Variants in SH3RF2 observed in about 807,000 individuals in gnomAD.
SH3RF2 encodes the protein SH3 domain containing ring finger 2.
SH3RF2 carries 43 observed loss-of-function variants against 59.0 expected under a neutral mutation model. The ratio of observed to expected loss-of-function variants is 0.73; its 90% CI spans 0.57 to 0.94. The LOEUF (loss-of-function observed/expected upper bound fraction) is 0.94. Among genes scored for constraint, SH3RF2 ranks in the 40% least tolerant of loss-of-function variants. The probability of loss-of-function intolerance (pLI) is 0.00; values close to 1 mark genes in which losing one functional copy is unlikely to be tolerated. For synonymous variants in SH3RF2, 391 were observed against 391.5 expected (o/e 1.00, Z 0.01); for missense variants, 930 against 940.1 (o/e 0.99, Z 0.14).
At chr5:145,980,238 C>A (rs551798815) in intron 2 of SH3RF2, among the ~76,000 whole-genome samples, 1 of 152,278 alleles carries the variant, frequency 6.6e-6, no homozygotes, top group Non-Finnish European at 1.5e-5. Context: ...GACACCCACA[C>A]GTAACGAGGC....
intron 3 of SH3RF2, among the ~76,000 whole-genome samples, chr5:146,003,696 A>AT (rs1760518836): frequency 6.6e-6 from 1 of 152,140 alleles, no homozygotes; most frequent in African/African-American, 2.4e-5. Context: ...CATAAAATTC[A>AT]TTTTTCTTTT....
In SH3RF2 at chr5:146,062,419, C is replaced by CT; in HGVS notation, c.1915-5dup. The CT allele has an allele frequency of 6.2e-7, 1 of 1,612,640 alleles. No homozygotes were observed. Among genetic ancestry groups the CT allele is most frequent in the Non-Finnish European group, 8.5e-7 (1 of 1,178,924 alleles). ...CCTGTGTCCATTTCCTCTCCTTTCT[C>CT]TTGCAGCAAGTCAAAACCGTGAGAT... On this transcript the variant is annotated splice_region_variant and splice_polypyrimidine_tract_variant and intron_variant, in intron 9 of 9. Transcript: ENST00000359120.
intron 5 of SH3RF2, among the ~76,000 whole-genome samples, chr5:146,015,739 A>G (rs1761079506): frequency 6.6e-6 from 1 of 152,238 alleles, no homozygotes; most frequent in Non-Finnish European, 1.5e-5. Context: ...GATTCAAAAC[A>G]AGTATTATTA....
At chr5:146,071,381 A>T (rs1026869211) in intron 9 of SH3RF2, among the ~76,000 whole-genome samples, 1 of 152,256 alleles carries the variant, frequency 6.6e-6, no homozygotes, top group Admixed American at 6.5e-5. Flanking sequence ...AGCCTCCACG[A>T]CAAGGAACAA....
intron 5 of SH3RF2, among the ~76,000 whole-genome samples, chr5:146,035,105 C>CA (rs34472730): frequency 2.4e-3 from 320 of 135,316 alleles, no homozygotes; most frequent in African/African-American, 7.3e-3. Context: ...GACTCTGTTT[C>CA]AAAAAAAAAA....
chr5:145,944,205 A>AT (rs1305012256), intron 2 of SH3RF2, among the ~76,000 whole-genome samples: 1 of 152,246 alleles, frequency 6.6e-6, no homozygotes, highest in Admixed American at 6.5e-5. Flanking sequence ...CAGATTTTAG[A>AT]TTTTTCAATT....
In SH3RF2 at chr5:146,047,805, G is replaced by A. The variant is rs772760008; in HGVS notation, c.1093G>A (p.Gly365Arg). The A allele has an allele frequency of 6.2e-7, 1 of 1,614,054 alleles. No homozygotes were observed. Among genetic ancestry groups the A allele is most frequent in the South Asian group, 1.1e-5 (1 of 91,076 alleles). ...TTATCACCCCGCACCTGTCTCTCCA[G>A]GACATTCCACAGCCGTGGTCAGTCT... is the stretch of plus-strand genomic sequence containing the variant. ...STYHPAPVSP[G>R]HSTAVVSLPG... The change falls in exon 6 of 10, where the codon GGA (glycine) becomes AGA (arginine). Residue 365 changes from glycine to arginine, a missense_variant. Transcript: ENST00000359120.
chr5:146,013,932 G>C lies in SH3RF2; in HGVS notation c.930G>C (p.Arg310=). Residue 310 remains arginine (R), a synonymous_variant, in exon 5 of 10, where the codon CGG becomes CGC. Transcript: ENST00000359120. The stretch of plus-strand genomic sequence containing the variant: ...CAACAGCCTTGAACACTCTCAACCG[G>C]ATGGTCCATTCTCCTTCAGGGCGCC... ...SITTALNTLN[R]MVHSPSGRHM... 2 of 1,614,130 alleles carry C rather than the reference G, an allele frequency of 1.2e-6. No individual in the cohort carries two copies. The highest frequency in any genetic ancestry group is 1.7e-6 in the Non-Finnish European group (2 of 1,180,018).
chr5:145,987,100 A>C (rs1304688085), intron 2 of SH3RF2, among the ~76,000 whole-genome samples: 1 of 152,234 alleles, frequency 6.6e-6, no homozygotes, highest in African/African-American at 2.4e-5. Context: ...GACTGGAAGA[A>C]GAGAGGCCAA....
At chr5:146,076,742 G>T (rs1196680484) in intron 9 of SH3RF2, among the ~76,000 whole-genome samples, 1 of 152,142 alleles carries the variant, frequency 6.6e-6, no homozygotes, top group Non-Finnish European at 1.5e-5. Context: ...GCCCAGATGT[G>T]GTTGTCTGCT....
rs776320548 is a variant in SH3RF2, at chr5:145,993,396, T to TG, written c.379-6655dup. ...AGGCAGTGCCCTAGTAGGGACTCTGTGGGGGGGCTCTGACCTCACATTTTC... is the reference window on the plus strand; with the variant it reads ...AGGCAGTGCCCTAGTAGGGACTCTGTGGGGGGGGCTCTGACCTCACATTTTC... On this transcript the variant is annotated intron_variant, in intron 2 of 9. Coordinates refer to ENST00000359120, the MANE Select transcript of SH3RF2 (RefSeq NM_152550.4). 1.4e-3 allele frequency among the ~76,000 whole-genome samples: 209 copies of TG among 152,092 alleles called. 1 individual carries two copies. The highest frequency in any genetic ancestry group is 2.5e-3 in the Non-Finnish European group (172 of 67,998).
intron 2 of SH3RF2, among the ~76,000 whole-genome samples, chr5:145,982,711 G>T (rs767302320): frequency 6.6e-6 from 1 of 152,128 alleles, no homozygotes; most frequent in Non-Finnish European, 1.5e-5. Flanking sequence ...AGTGAAGGAG[G>T]CAGATAAATA....
At position 145,963,213 on chromosome 5, in the gene SH3RF2, T is replaced by A. The variant is rs912372587; in HGVS notation, c.378+24907T>A. ...CACCCAGCCTTATTCCACTTTTTTT[T>A]AATAGCTTGCACAAAATAAATACTG... On this transcript the variant is annotated intron_variant, in intron 2 of 9. Coordinates refer to ENST00000359120, the MANE Select transcript of SH3RF2 (RefSeq NM_152550.4). 2.7e-4 allele frequency among the ~76,000 whole-genome samples: 41 copies of A among 151,900 alleles called. 1 individual carries two copies. Among genetic ancestry groups the A allele is most frequent in the African/African-American group, 9.2e-4 (38 of 41,334 alleles).
At chr5:145,981,794 A>C (rs1759515952) in intron 2 of SH3RF2, among the ~76,000 whole-genome samples, 1 of 152,220 alleles carries the variant, frequency 6.6e-6, no homozygotes. Context: ...ATGTTCAATA[A>C]CCACAGATGG....
chr5:145,959,574 C>G (rs1349841571), intron 2 of SH3RF2, among the ~76,000 whole-genome samples: 3 of 151,448 alleles, frequency 2.0e-5, no homozygotes, highest in African/African-American at 7.3e-5. Flanking sequence ...AGATCCCCAG[C>G]CTTCTTAGTT....
chr5:145,939,739 A>G (rs1181685219), intron 2 of SH3RF2, among the ~76,000 whole-genome samples: 3 of 152,166 alleles, frequency 2.0e-5, no homozygotes, highest in African/African-American at 7.2e-5. Context: ...GTTCTCAAAC[A>G]TGCCTTGTTT....
chr5:146,013,203 G>A (rs1452187751), intron 4 of SH3RF2, among the ~76,000 whole-genome samples: 1 of 152,142 alleles, frequency 6.6e-6, no homozygotes, highest in Non-Finnish European at 1.5e-5. Context: ...TCTACTCTGG[G>A]GTACAGGAGA....
At chr5:145,963,954 T>A (rs1248875796) in intron 2 of SH3RF2, among the ~76,000 whole-genome samples, 1 of 151,366 alleles carries the variant, frequency 6.6e-6, no homozygotes, top group African/African-American at 2.4e-5. Flanking sequence ...TGCCTCAGCC[T>A]CCCCAGTAGT....
At chr5:146,065,038 A>G (rs1395867344), downstream of SH3RF2, among the ~76,000 whole-genome samples, 1 of 152,088 alleles carries the variant, frequency 6.6e-6, no homozygotes, top group Non-Finnish European at 1.5e-5. Flanking sequence ...CCTTAATAAA[A>G]CAAAACAAAA....
Sources: gnomAD v4.1 joint callset for allele counts (sites outside exome capture counted in the v4.1 genomes callset) on GRCh38, gnomAD v4.1.1 for gene constraint, MANE v1.5 for transcripts, NCBI Gene and HGNC (gene_info 2026-07-23, HGNC 2026-07-21) for gene names.